DNAJC18: variants seen among roughly 807,000 people sequenced by gnomAD.
DNAJC18 encodes the protein dnaJ homolog subfamily C member 18.
A neutral mutation model predicts 48.6 loss-of-function variants in DNAJC18; 40 were observed. The observed-to-expected ratio is 0.82, with a 90% CI of 0.64 to 1.07. The LOEUF (loss-of-function observed/expected upper bound fraction) is 1.07, where lower values mean the gene tolerates loss of function less well. Among genes scored for constraint, DNAJC18 ranks in the 50% least tolerant of loss-of-function variants. The pLI, the probability that DNAJC18 is intolerant of heterozygous loss-of-function variation, is 0.00. For missense variants in DNAJC18, 340 were observed against 427.7 expected (o/e 0.79, Z 1.81); for synonymous variants, 135 against 152.2 (o/e 0.89, Z 0.83).
intron 6 of DNAJC18, among the ~76,000 whole-genome samples, chr5:139,421,943 TC>T (rs1561998667): frequency 6.6e-6 from 1 of 152,184 alleles, no homozygotes; most frequent in Non-Finnish European, 1.5e-5. Context: ...AAGGTTTTTT[TC>T]CCACTAAATT....
At chr5:139,424,973 A>T in intron 5 of DNAJC18, 32 bp downstream of exon 5, 1 of 1,585,724 alleles carries the variant, frequency 6.3e-7, no homozygotes, top group Non-Finnish European at 8.7e-7. Flanking sequence ...ACAACTGTTT[A>T]TGGGCAGCAG....
chr5:139,434,585 A>G (rs1750600490), intron 2 of DNAJC18, among the ~76,000 whole-genome samples: 1 of 152,136 alleles, frequency 6.6e-6, no homozygotes, highest in South Asian at 2.1e-4. Flanking sequence ...AGCCTCCCAA[A>G]GTTTTGAATT....
At chr5:139,422,342 G>A (rs1166819653) in intron 6 of DNAJC18, among the ~76,000 whole-genome samples, 1 of 151,972 alleles carries the variant, frequency 6.6e-6, no homozygotes, top group East Asian at 1.9e-4. Context: ...ACTATGCTCC[G>A]AGACCCACAG....
intron 6 of DNAJC18, chr5:139,420,431 A>G (rs1249093407): frequency 3.8e-6 from 2 of 524,082 alleles, no homozygotes; most frequent in Non-Finnish European, 6.5e-6. Context: ...AGTTCATACT[A>G]TGAATTCAGC....
chr5:139,412,128 T>C lies in DNAJC18; in HGVS notation c.*2020A>G, dbSNP rs1130301. 6.6e-6 allele frequency: 1 copy of C among 152,286 alleles called. No individual in the cohort carries two copies. Among genetic ancestry groups the C allele is most frequent in the South Asian group, 2.1e-4 (1 of 4,824 alleles). 9.4% of individuals were successfully genotyped at this position (152,286 alleles called of 1,614,324 possible). Reference sequence around the variant, plus strand: ...ACAAGCCACTAAAGCCCCCAATCTTTACCTGTGAACCCATCTCCTGACTCT... The same window carrying C: ...ACAAGCCACTAAAGCCCCCAATCTTCACCTGTGAACCCATCTCCTGACTCT... On this transcript the variant is annotated 3_prime_UTR_variant, in exon 8 of 8. Coordinates refer to ENST00000302060, the MANE Select transcript of DNAJC18 (RefSeq NM_152686.4).
intron 7 of DNAJC18, among the ~76,000 whole-genome samples, chr5:139,418,457 AAT>A (rs1759101175): frequency 6.6e-6 from 1 of 152,202 alleles, no homozygotes. Context: ...ACTGCCTTTT[AAT>A]ATGAGGCCTT....
rs759806123 is a variant in DNAJC18, at chr5:139,422,696, T to C, written c.779+12A>G. The C allele has an allele frequency of 3.2e-6, 5 of 1,571,832 alleles. No individual in the cohort carries two copies. The South Asian group carries it at 5.7e-5, about 18-fold the overall frequency. ...ACTGTTACTGAGAAAGATTTAGAAA[T>C]ACCAGACTTACGATTTATAGAACAG... On this transcript the variant is annotated intron_variant, in intron 6 of 7. Coordinates refer to ENST00000302060, the MANE Select transcript of DNAJC18 (RefSeq NM_152686.4).
chr5:139,419,580 T>C (rs1759120311), intron 7 of DNAJC18, among the ~76,000 whole-genome samples: 1 of 152,186 alleles, frequency 6.6e-6, no homozygotes, highest in Admixed American at 6.5e-5. Context: ...ATTGGGAAAC[T>C]GTGGACCAAA....
At chr5:139,435,365 G>A (rs1035367165) in intron 2 of DNAJC18, among the ~76,000 whole-genome samples, 3 of 151,954 alleles carry the variant, frequency 2.0e-5, no homozygotes, top group Admixed American at 2.0e-4. Context: ...AAAAAAAAGA[G>A]TGTTGGATTT....
chr5:139,433,524 T>C (rs1240373236), intron 2 of DNAJC18, among the ~76,000 whole-genome samples: 1 of 151,876 alleles, frequency 6.6e-6, no homozygotes, highest in Non-Finnish European at 1.5e-5. Context: ...AGAGACAAAC[T>C]GCTCACAAAG....
chr5:139,435,712 T>TTTTTTTTTG (rs1750631633), intron 2 of DNAJC18, among the ~76,000 whole-genome samples: 3 of 109,080 alleles, frequency 2.8e-5, no homozygotes, highest in Non-Finnish European at 5.6e-5. Flanking sequence ...GAAGTTTTTT[T>TTTTTTTTTG]TTTTTTTTTT....
At chr5:139,437,891 A>G (rs776441898) in intron 1 of DNAJC18, among the ~76,000 whole-genome samples, 23 of 152,220 alleles carry the variant, frequency 1.5e-4, no homozygotes, top group Non-Finnish European at 4.4e-5. Flanking sequence ...GAAGATCAAG[A>G]GGGCGGATGG....
chr5:139,437,933 G>A (rs941074206), intron 1 of DNAJC18, among the ~76,000 whole-genome samples: 66 of 152,212 alleles, frequency 4.3e-4, no homozygotes, highest in Admixed American at 1.3e-3. Flanking sequence ...AAAGAGGTTA[G>A]TTTAATGCAA....
chr5:139,436,455 A>T (rs1185371548), intron 2 of DNAJC18, among the ~76,000 whole-genome samples: 1 of 145,118 alleles, frequency 6.9e-6, no homozygotes, highest in African/African-American at 2.6e-5. Context: ...TATCTAGGTT[A>T]TCTAATTTGT....
At chr5:139,428,296 C>G (rs371650776) in intron 3 of DNAJC18, among the ~76,000 whole-genome samples, 11 of 151,838 alleles carry the variant, frequency 7.2e-5, no homozygotes, top group African/African-American at 2.7e-4. Flanking sequence ...ACTCAGGAGG[C>G]TGAGGTGGGA....
Position 139,439,507 on chromosome 5 carries a change from G to A in DNAJC18, c.-62C>T. Reference sequence around the variant, plus strand: ...CGTGCCCGAGGCTGAAAGAGAAGGGGGCGCGGAGCGCGGGGCACGCTGGTC... The same window carrying A: ...CGTGCCCGAGGCTGAAAGAGAAGGGAGCGCGGAGCGCGGGGCACGCTGGTC... On this transcript the variant is annotated 5_prime_UTR_variant, in exon 1 of 8. Transcript: ENST00000302060. The surrounding 1 kb of genome is among the most constrained non-coding windows in gnomAD (Gnocchi z 4.1). 5 of 1,612,692 alleles carry A rather than the reference G, an allele frequency of 3.1e-6. No homozygotes were observed. The East Asian group carries it at 1.1e-4, about 36-fold the overall frequency.
At chr5:139,420,918 C>T (rs920148575) in intron 6 of DNAJC18, among the ~76,000 whole-genome samples, 1 of 152,136 alleles carries the variant, frequency 6.6e-6, no homozygotes, top group Non-Finnish European at 1.5e-5. Context: ...TGGACAAATT[C>T]TACATTAAAG....
intron 7 of DNAJC18, among the ~76,000 whole-genome samples, chr5:139,419,489 C>G (rs1366315076): frequency 6.6e-6 from 1 of 152,200 alleles, no homozygotes; most frequent in Non-Finnish European, 1.5e-5. Flanking sequence ...ACACCTCATT[C>G]CATACCAGAA....
chr5:139,413,137 ATGT>A lies in DNAJC18; in HGVS notation c.*1008_*1010del. On this transcript the variant is annotated 3_prime_UTR_variant, in exon 8 of 8. Coordinates refer to ENST00000302060, the MANE Select transcript of DNAJC18 (RefSeq NM_152686.4). ...TGCTTTTATAGTAGGCACTCAATAAATGTTGAATGAATGAAAAATCATCTCAAA... is the reference window on the plus strand; with the variant it reads ...TGCTTTTATAGTAGGCACTCAATAAATGAATGAATGAAAAATCATCTCAAA... 1 of 375,604 alleles carries A rather than the reference ATGT, an allele frequency of 2.7e-6. No homozygotes were observed. The highest frequency in any genetic ancestry group is 4.7e-6 in the Non-Finnish European group (1 of 212,090). The allele number at this position is 375,604 out of a possible 1,614,324, so 23.3% of individuals were successfully genotyped here.
Sources: gnomAD v4.1 joint callset for allele counts (sites outside exome capture counted in the v4.1 genomes callset) on GRCh38, gnomAD v4.1.1 for gene constraint, Gnocchi (gnomAD v3.1) non-coding constraint, MANE v1.5 for transcripts, NCBI Gene and HGNC (gene_info 2026-07-23, HGNC 2026-07-21) for gene names.